Variants in MOB4 observed in about 807,000 individuals in gnomAD.
MOB4 encodes MOB family member 4, phocein.
MOB4 carries 4 observed loss-of-function variants against 32.2 expected under a neutral mutation model. The ratio of observed to expected loss-of-function variants is 0.12; its 90% CI spans 0.06 to 0.28. The LOEUF (loss-of-function observed/expected upper bound fraction) is 0.28, where lower values mean the gene tolerates loss of function less well. Among genes scored for constraint, MOB4 ranks in the 10% least tolerant of loss-of-function variants. MOB4 has a pLI of 1.00. For missense variants in MOB4, 158 were observed against 271.2 expected, an observed-to-expected ratio of 0.58 and a Z score of 2.93; for synonymous variants, 88 against 88.1, an observed-to-expected ratio of 1.00 and a Z score of 0.01.
At chr2:197,518,547 C>T (rs1413838893) in intron 1 of MOB4, among the ~76,000 whole-genome samples, 2 of 151,336 alleles carry the variant, frequency 1.3e-5, no homozygotes, top group Non-Finnish European at 2.9e-5. Flanking sequence ...CAGGCGTGAG[C>T]CATTGCACCT....
intron 6 of MOB4, among the ~76,000 whole-genome samples, chr2:197,549,870 AAAAAAAAAAG>A (rs2087065688): frequency 6.6e-6 from 1 of 151,538 alleles, no homozygotes; most frequent in African/African-American, 2.4e-5. Context: ...AAAAAAAAAA[AAAAAAAAAAG>A]AAAAGAAAAG....
At chr2:197,541,050 G>A (rs1308528340) in intron 5 of MOB4, among the ~76,000 whole-genome samples, 1 of 151,748 alleles carries the variant, frequency 6.6e-6, no homozygotes, top group Non-Finnish European at 1.5e-5. Context: ...ACAGGCATGC[G>A]CTATCATGCC....
At chr2:197,521,761 C>G (rs2086523296) in intron 1 of MOB4, among the ~76,000 whole-genome samples, 1 of 152,240 alleles carries the variant, frequency 6.6e-6, no homozygotes. Flanking sequence ...CCGCCCGGCT[C>G]ACCAGTGGTC....
At chr2:197,530,144 A>G (rs1279650923) in intron 2 of MOB4, among the ~76,000 whole-genome samples, 2 of 151,456 alleles carry the variant, frequency 1.3e-5, no homozygotes, top group Non-Finnish European at 2.9e-5. Flanking sequence ...TAATTTTTGT[A>G]TTTTTAGTAG....
At chr2:197,528,869 G>C (rs979889290) in intron 2 of MOB4, among the ~76,000 whole-genome samples, 1 of 151,786 alleles carries the variant, frequency 6.6e-6, no homozygotes, top group Non-Finnish European at 1.5e-5. Flanking sequence ...TGCCCGCCTC[G>C]GCTTCCCAAA....
intron 3 of MOB4, among the ~76,000 whole-genome samples, chr2:197,539,506 T>TG (rs1341955230): frequency 6.6e-6 from 1 of 152,006 alleles, no homozygotes; most frequent in African/African-American, 2.4e-5. Context: ...TTTGTGGCGA[T>TG]GGAGTTTCAC....
At chr2:197,526,977 A>G (rs2086621378) in intron 2 of MOB4, among the ~76,000 whole-genome samples, 1 of 152,078 alleles carries the variant, frequency 6.6e-6, no homozygotes, top group Non-Finnish European at 1.5e-5. Context: ...CTTAATAGAG[A>G]CAGAATTTTG....
At chr2:197,516,582 G>A (rs771801223) in intron 1 of MOB4, 3 of 482,048 alleles carry the variant, frequency 6.2e-6, no homozygotes, top group South Asian at 3.1e-5. Flanking sequence ...CCGGCGTCCA[G>A]TTCCTACCTG....
chr2:197,535,468 C>T, intron 2 of MOB4, 62 bp from the exon 3 acceptor site: 1 of 1,479,858 alleles, frequency 6.8e-7, no homozygotes, highest in Non-Finnish European at 9.1e-7. Context: ...ATTATATGTA[C>T]TTAACATAAG....
In MOB4 at chr2:197,540,417, G is replaced by A; in HGVS notation, c.334G>A (p.Ala112Thr). The change falls in exon 5 of 8, where the codon GCT becomes ACT. Residue 112 changes from alanine (A) to threonine (T), a missense_variant. Around this residue, in one of 6 missense-constraint regions of MOB4, gnomAD observed 22 missense variants for 61.2 expected, o/e 0.36. Transcript: ENST00000323303. ...ATEQWIFLCA[A>T]HKTPKECPAI... ...TGAACAATGGATTTTTCTTTGTGCA[G>A]CTCATAAAACTCCAAAAGAGGTGAG... The A allele has an allele frequency of 6.3e-7, 1 of 1,589,392 alleles. No homozygotes were observed. The highest frequency in any genetic ancestry group is 8.5e-7 in the Non-Finnish European group (1 of 1,171,600).
At chr2:197,544,481 C>T (rs763419782) in intron 5 of MOB4, among the ~76,000 whole-genome samples, 34 of 151,956 alleles carry the variant, frequency 2.2e-4, no homozygotes, top group Admixed American at 9.2e-4. Context: ...TGTCTGGGCG[C>T]GGTGGCTCAC....
intron 3 of MOB4, among the ~76,000 whole-genome samples, chr2:197,536,754 T>C (rs2086807242): frequency 6.6e-6 from 1 of 151,594 alleles, no homozygotes; most frequent in East Asian, 1.9e-4. Context: ...GGCGCAGCCA[T>C]GCCCAGCTAA....
Position 197,550,829 on chromosome 2 carries a change from C to G in MOB4, c.*183C>G, listed in dbSNP as rs1302435185. ...AGTTATTCATAAGCTGTATATTCAC[C>G]AGTGTGGCACTCATGGTTTTTAAAT... is the stretch of plus-strand genomic sequence containing the variant. On this transcript the variant is annotated 3_prime_UTR_variant, in exon 8 of 8. Transcript: ENST00000323303. 5.7e-6 allele frequency: 3 copies of G among 523,420 alleles called. No homozygotes were observed. In the Admixed American group the frequency reaches 1.4e-4, roughly 24 times the overall value. The allele number at this position is 523,420 out of a possible 1,614,324, so 32.4% of individuals were successfully genotyped here. A position where few individuals can be genotyped will look rare whatever the true frequency, so the allele number is the denominator to read the frequency against.
chr2:197,518,531 G>A (rs889313478), intron 1 of MOB4, among the ~76,000 whole-genome samples: 1 of 151,550 alleles, frequency 6.6e-6, no homozygotes, highest in Non-Finnish European at 1.5e-5. Flanking sequence ...CAAAATGGTG[G>A]GATTACAGGC....
At chr2:197,538,066 C>T (rs1347682069) in intron 3 of MOB4, among the ~76,000 whole-genome samples, 2 of 152,110 alleles carry the variant, frequency 1.3e-5, no homozygotes, top group East Asian at 3.8e-4. Flanking sequence ...GCGTGTGCCA[C>T]CACACTTGGC....
At chr2:197,525,718 A>AT (rs983754405) in intron 2 of MOB4, among the ~76,000 whole-genome samples, 2 of 152,012 alleles carry the variant, frequency 1.3e-5, no homozygotes, top group African/African-American at 2.4e-5. Flanking sequence ...TCAAAAAAAA[A>AT]AAAAAAAAAG....
At chr2:197,519,034 A>C (rs1371290798) in intron 1 of MOB4, among the ~76,000 whole-genome samples, 1 of 152,042 alleles carries the variant, frequency 6.6e-6, no homozygotes. Context: ...CTGGGATTAC[A>C]GGCATGAGCC....
intron 2 of MOB4, chr2:197,533,961 T>C: frequency 3.5e-6 from 2 of 565,722 alleles, no homozygotes; most frequent in Admixed American, 2.0e-5. Flanking sequence ...CCAAGCTGGG[T>C]CTAGAAGGAA....
chr2:197,525,763 C>T (rs935916580), intron 2 of MOB4, among the ~76,000 whole-genome samples: 1 of 151,286 alleles, frequency 6.6e-6, no homozygotes, highest in African/African-American at 2.4e-5. Context: ...TATTTATTGG[C>T]TTCTCACGAT....
Sources: gnomAD v4.1 joint callset for allele counts (sites outside exome capture counted in the v4.1 genomes callset) on GRCh38, gnomAD v4.1.1 for gene constraint, gnomAD v4.1.1 regional missense constraint, MANE v1.5 for transcripts, NCBI Gene and HGNC (gene_info 2026-07-23, HGNC 2026-07-21) for gene names.